The following PRKCB variants were observed in gnomAD, a reference collection of about 807,000 sequenced individuals.
PRKCB encodes protein kinase C beta type.
Under a neutral mutation model 81.5 loss-of-function variants are expected in PRKCB, and 13 were observed. The observed-to-expected ratio is 0.16, with a 90% CI of 0.10 to 0.25. The LOEUF (loss-of-function observed/expected upper bound fraction) is 0.25, where lower values mean the gene tolerates loss of function less well. Ranked by LOEUF, PRKCB falls within the 10% of genes least tolerant of loss-of-function variation. The probability of loss-of-function intolerance (pLI) is 1.00; values close to 1 mark genes in which losing one functional copy is unlikely to be tolerated. For missense variants in PRKCB, 509 were observed against 875.7 expected (o/e 0.58, Z 5.29); for synonymous variants, 335 against 321.4 (o/e 1.04, Z -0.45).
chr16:23,859,800 G>A (rs146608732), intron 2 of PRKCB, among the ~76,000 whole-genome samples: 170 of 152,074 alleles, frequency 1.1e-3, no homozygotes, highest in African/African-American at 3.7e-3. Context: ...TTAAAAGCAG[G>A]AGAGAAAGAC....
chr16:24,189,318 A>G (rs1353355657), intron 15 of PRKCB, among the ~76,000 whole-genome samples: 1 of 152,126 alleles, frequency 6.6e-6, no homozygotes, highest in African/African-American at 2.4e-5. Context: ...GGTTATTATG[A>G]TGATCAGGGA....
At chr16:24,137,996 T>C (rs909608496) in intron 9 of PRKCB, among the ~76,000 whole-genome samples, 6 of 152,236 alleles carry the variant, frequency 3.9e-5, no homozygotes, top group Non-Finnish European at 4.4e-5. Flanking sequence ...TTATAGGCAT[T>C]GCTCATTTAA....
At chr16:24,002,350 CGT>C (rs909502386) in intron 3 of PRKCB, among the ~76,000 whole-genome samples, 2 of 150,336 alleles carry the variant, frequency 1.3e-5, no homozygotes, top group Admixed American at 6.6e-5. Flanking sequence ...TGCGTGCGTG[CGT>C]GTGTGTGTGT....
intron 2 of PRKCB, among the ~76,000 whole-genome samples, chr16:23,922,327 G>A (rs117485938): frequency 3.2e-3 from 483 of 152,308 alleles, no homozygotes; most frequent in Middle Eastern, 0.014. Flanking sequence ...TTTTTCCTCT[G>A]TTGGAATATG....
At chr16:24,194,054 T>C (rs1200374146) in intron 16 of PRKCB, among the ~76,000 whole-genome samples, 1 of 152,108 alleles carries the variant, frequency 6.6e-6, no homozygotes, top group Non-Finnish European at 1.5e-5. Context: ...TGGCTGGGTA[T>C]AGTGGCTCAC....
chr16:23,872,734 T>C (rs1446125174), intron 2 of PRKCB, among the ~76,000 whole-genome samples: 1 of 152,040 alleles, frequency 6.6e-6, no homozygotes, highest in African/African-American at 2.4e-5. Context: ...CTAAATTTTG[T>C]GTATGGAAAG....
chr16:23,943,736 G>A (rs1191143245), intron 2 of PRKCB, among the ~76,000 whole-genome samples: 3 of 152,172 alleles, frequency 2.0e-5, no homozygotes, highest in Non-Finnish European at 4.4e-5. Context: ...GCATGAAATA[G>A]CAACAGGTGC....
chr16:23,840,190 G>A (rs1388132383), intron 2 of PRKCB, among the ~76,000 whole-genome samples: 1 of 152,182 alleles, frequency 6.6e-6, no homozygotes, highest in Non-Finnish European at 1.5e-5. Context: ...GTATCTGATT[G>A]TTCTTGGTAT....
Position 24,214,699 on chromosome 16 carries a change from C to G in PRKCB, c.1905C>G (p.Arg635=). ...NAENFDRFFT[R]HPPVLTPPDQ... is the part of the protein sequence containing the mutation. ...AAAACTTCGACCGATTTTTCACCCG[C>G]CATCCACCAGTCCTAACACCTCCCG... Residue 635 remains arginine, a synonymous_variant, in exon 17 of 17, where the codon CGC becomes CGG. Coordinates refer to ENST00000643927, the MANE Select transcript of PRKCB (RefSeq NM_002738.7). 2 of 1,614,150 alleles carry G rather than the reference C, an allele frequency of 1.2e-6. No individual in the cohort carries two copies. Among genetic ancestry groups the G allele is most frequent in the Non-Finnish European group, 1.7e-6 (2 of 1,180,016 alleles).
At chr16:24,066,773 A>C (rs535569435) in intron 5 of PRKCB, among the ~76,000 whole-genome samples, 1 of 152,240 alleles carries the variant, frequency 6.6e-6, no homozygotes, top group South Asian at 2.1e-4. Flanking sequence ...CAGTTTTGAG[A>C]AGTACTGGTC....
intron 2 of PRKCB, among the ~76,000 whole-genome samples, chr16:23,950,894 T>G (rs531361524): frequency 6.6e-6 from 1 of 152,352 alleles, no homozygotes; most frequent in Non-Finnish European, 1.5e-5. Flanking sequence ...GTGGAATGCC[T>G]GAGCATCCCT....
chr16:23,940,947 C>G (rs1964134167), intron 2 of PRKCB, among the ~76,000 whole-genome samples: 1 of 152,122 alleles, frequency 6.6e-6, no homozygotes, highest in African/African-American at 2.4e-5. Flanking sequence ...ATAGCTCAAC[C>G]CAGTGTTGGA....
chr16:24,124,054 A>T (rs1323306749), intron 9 of PRKCB, 73 bp downstream of exon 9: 3 of 1,560,614 alleles, frequency 1.9e-6, no homozygotes, highest in African/African-American at 2.7e-5. Flanking sequence ...TGCTGTTCCT[A>T]TGGGACGGAC....
intron 9 of PRKCB, among the ~76,000 whole-genome samples, chr16:24,144,297 T>G (rs945448798): frequency 1.3e-5 from 2 of 152,188 alleles, no homozygotes; most frequent in Non-Finnish European, 2.9e-5. Context: ...TTTACTATAT[T>G]CTTTTTTTCT....
intron 5 of PRKCB, among the ~76,000 whole-genome samples, chr16:24,036,013 T>A (rs1033689269): frequency 1.3e-5 from 2 of 152,186 alleles, no homozygotes; most frequent in Non-Finnish European, 2.9e-5. Context: ...GAGAATATAA[T>A]ATCTTGGGAA....
chr16:24,072,802 G>A (rs1216690917), intron 5 of PRKCB, among the ~76,000 whole-genome samples: 1 of 151,754 alleles, frequency 6.6e-6, no homozygotes, highest in Non-Finnish European at 1.5e-5. Flanking sequence ...GGCTGATATC[G>A]ACCTCCTGAC....
intron 7 of PRKCB, among the ~76,000 whole-genome samples, chr16:24,096,497 C>G (rs1966440479): frequency 6.6e-6 from 1 of 151,452 alleles, no homozygotes; most frequent in Non-Finnish European, 1.5e-5. Context: ...AAGATATGAG[C>G]AACCCACTGT....
intron 2 of PRKCB, among the ~76,000 whole-genome samples, chr16:23,880,179 C>A (rs1567300246): frequency 2.6e-5 from 4 of 152,162 alleles, no homozygotes; most frequent in Admixed American, 2.6e-4. Flanking sequence ...CTTTTCCATT[C>A]TGCTGCAGGA....
chr16:23,902,814 CTT>C, intron 2 of PRKCB, among the ~76,000 whole-genome samples: 1 of 125,942 alleles, frequency 7.9e-6, no homozygotes, highest in African/African-American at 3.1e-5. Context: ...TCCTTCCTTC[CTT>C]TTTTTGAGAT....
Sources: gnomAD v4.1 joint callset for allele counts (sites outside exome capture counted in the v4.1 genomes callset) on GRCh38, gnomAD v4.1.1 for gene constraint, MANE v1.5 for transcripts, NCBI Gene and HGNC (gene_info 2026-07-23, HGNC 2026-07-21) for gene names.